The following PAK5 variants were observed in gnomAD, a reference collection of about 807,000 sequenced individuals.
PAK5 encodes p21 (RAC1) activated kinase 5.
In PAK5, 16 loss-of-function variants were observed where a neutral mutation model predicts 65.9. That is an observed-to-expected ratio of 0.24 (90% confidence interval 0.16 to 0.37). The LOEUF is 0.37. Among genes scored for constraint, PAK5 ranks in the 10% least tolerant of loss-of-function variants. The probability of loss-of-function intolerance (pLI) is 1.00; values close to 1 mark genes in which losing one functional copy is unlikely to be tolerated. For missense variants in PAK5, 785 were observed against 903.9 expected (o/e 0.87, Z 1.69); for synonymous variants, 371 against 354.9 (o/e 1.05, Z -0.51).
chr20:9,606,298 G>T (rs1249730846), intron 3 of PAK5, among the ~76,000 whole-genome samples: 1 of 152,158 alleles, frequency 6.6e-6, no homozygotes, highest in African/African-American at 2.4e-5. Flanking sequence ...CCCGATGATT[G>T]TAAGTTTTCT....
Position 9,591,613 on chromosome 20 carries a change from T to C in PAK5, c.205-10683A>G, listed in dbSNP as rs151221061. 1.5e-3 allele frequency among the ~76,000 whole-genome samples: 192 copies of C among 127,068 alleles called. 4 individuals carry two copies. In the East Asian group the frequency reaches 0.055, roughly 36 times the overall value. 83.4% of individuals were successfully genotyped at this position (127,068 alleles called of 152,430 possible). On this transcript the variant is annotated intron_variant, in intron 3 of 9. Transcript: ENST00000353224. ...GTTACATTGCATTTACTCAAGATTC[T>C]GACATTTAAAAATGTAATAACTAAT...
In PAK5 at chr20:9,775,342, G is replaced by T. The variant is rs574962597; in HGVS notation, c.-162+63420C>A. Among the ~76,000 whole-genome samples the T allele has an allele frequency of 8.7e-4, 132 of 152,122 alleles. 2 individuals are homozygous for T. In the South Asian group the frequency reaches 0.02, roughly 23 times the overall value. On this transcript the variant is annotated intron_variant, in intron 1 of 9. Transcript: ENST00000353224. ...TTCAGGGCAGCTTGGTAAATTCTTC[G>T]CTCAGTTTCTGATTCAACAAAAGCT...
At position 9,838,315 on chromosome 20, in the gene PAK5, G is replaced by T. The variant is rs1484804600; in HGVS notation, c.-162+447C>A. 3.3e-5 allele frequency among the ~76,000 whole-genome samples: 5 copies of T among 152,138 alleles called. No homozygotes were observed. The highest frequency in any genetic ancestry group is 7.2e-5 in the African/African-American group (3 of 41,436). ...AAGACAAAAACCATGCGGGAATCCTGCTCTGGCAATATGTCCAACACTTCT... is the reference window on the plus strand; with the variant it reads ...AAGACAAAAACCATGCGGGAATCCTTCTCTGGCAATATGTCCAACACTTCT... On this transcript the variant is annotated intron_variant, in intron 1 of 9. Coordinates refer to ENST00000353224, the MANE Select transcript of PAK5 (RefSeq NM_177990.4). The surrounding 1 kb of genome is among the most constrained non-coding windows in gnomAD (Gnocchi z 4.5).
intron 1 of PAK5, among the ~76,000 whole-genome samples, chr20:9,724,614 G>C (rs2048254904): frequency 6.6e-6 from 1 of 152,152 alleles, no homozygotes; most frequent in Non-Finnish European, 1.5e-5. Flanking sequence ...TTATTTGGGG[G>C]CTCCAGCTAA....
chr20:9,755,561 C>T (rs953854684), intron 1 of PAK5, among the ~76,000 whole-genome samples: 2 of 152,164 alleles, frequency 1.3e-5, no homozygotes, highest in African/African-American at 2.4e-5. Context: ...TTCAGCCATG[C>T]ATCTGACAGC....
At chr20:9,765,446 T>G (rs931707643) in intron 1 of PAK5, among the ~76,000 whole-genome samples, 1 of 152,178 alleles carries the variant, frequency 6.6e-6, no homozygotes, top group Non-Finnish European at 1.5e-5. Context: ...AGCCTCCATT[T>G]TTTTTTTCTG....
chr20:9,779,529 T>C (rs1174937996), intron 1 of PAK5, among the ~76,000 whole-genome samples: 3 of 151,722 alleles, frequency 2.0e-5, no homozygotes, highest in African/African-American at 4.8e-5. Context: ...TGATGCTTCA[T>C]AAAATTATAT....
At chr20:9,712,122 T>C (rs6039557) in intron 1 of PAK5, among the ~76,000 whole-genome samples, 2,346 of 152,250 alleles carry the variant, frequency 0.015, 23 homozygotes, top group Middle Eastern at 0.041. Flanking sequence ...TGAGACAGCA[T>C]GTCAGCCCTA....
At chr20:9,567,547 T>C (rs2045703270) in intron 4 of PAK5, among the ~76,000 whole-genome samples, 1 of 152,226 alleles carries the variant, frequency 6.6e-6, no homozygotes, top group Admixed American at 6.5e-5. Context: ...TAAAACATTT[T>C]CCTCATTGCA....
intron 2 of PAK5, among the ~76,000 whole-genome samples, chr20:9,677,612 G>A (rs530448277): frequency 1.3e-5 from 2 of 152,292 alleles, no homozygotes; most frequent in African/African-American, 4.8e-5. Flanking sequence ...TCTCACCTGT[G>A]TGTTCTTAAC....
chr20:9,758,071 G>C (rs184493912), intron 1 of PAK5, among the ~76,000 whole-genome samples: 33 of 152,278 alleles, frequency 2.2e-4, no homozygotes, highest in African/African-American at 7.5e-4. Flanking sequence ...CTACTTCATA[G>C]CCTTATTTGG....
chr20:9,660,247 T>C (rs2123329152), intron 2 of PAK5, among the ~76,000 whole-genome samples: 1 of 151,804 alleles, frequency 6.6e-6, no homozygotes, highest in African/African-American at 2.4e-5. Flanking sequence ...GCACTGCACG[T>C]GGATTACGCA....
In PAK5 at chr20:9,816,654, C is replaced by T. The variant is rs577566492; in HGVS notation, c.-162+22108G>A. Among the ~76,000 whole-genome samples the T allele has an allele frequency of 3.3e-5, 5 of 152,280 alleles. No individual in the cohort carries two copies. In the East Asian group the frequency reaches 7.7e-4, roughly 24 times the overall value. On this transcript the variant is annotated intron_variant, in intron 1 of 9. Transcript: ENST00000353224. ...ATTCTGACTCAGATTGGAATCCATA[C>T]TTTCTCTCTGGTTCTCAGGCTTTTG...
chr20:9,544,824 A>C (rs2045319572), intron 7 of PAK5, among the ~76,000 whole-genome samples: 1 of 152,350 alleles, frequency 6.6e-6, no homozygotes, highest in East Asian at 1.9e-4. Context: ...CAAGCCTACA[A>C]GTTTAATATA....
chr20:9,593,971 G>A (rs773295990), intron 3 of PAK5, among the ~76,000 whole-genome samples: 4 of 152,226 alleles, frequency 2.6e-5, no homozygotes, highest in Non-Finnish European at 4.4e-5. Context: ...GGCTAAGGCA[G>A]TGAGAGATTC....
intron 1 of PAK5, among the ~76,000 whole-genome samples, chr20:9,792,310 T>C (rs1393560709): frequency 1.3e-5 from 2 of 152,074 alleles, no homozygotes; most frequent in African/African-American, 2.4e-5. Flanking sequence ...AGATACCATG[T>C]CTAAGGGTTG....
rs141674064 is a variant in PAK5, at chr20:9,796,252, G to A, written c.-162+42510C>T. ...TTTCAATAATAATTTGCAATATGAG[G>A]GAGAAGAACAGAGGGAACAACAGAA... is the stretch of plus-strand genomic sequence containing the variant. On this transcript the variant is annotated intron_variant, in intron 1 of 9. Transcript: ENST00000353224. Among the ~76,000 whole-genome samples, 330 of 152,156 alleles carry A rather than the reference G, an allele frequency of 2.2e-3. 1 individual carries two copies. Among genetic ancestry groups the A allele is most frequent in the African/African-American group, 7.6e-3 (316 of 41,522 alleles).
At position 9,539,416 on chromosome 20, in the gene PAK5, A is replaced by T; in HGVS notation, c.*46T>A. 1 of 1,582,240 alleles carries T rather than the reference A, an allele frequency of 6.3e-7. No homozygotes were observed. Among genetic ancestry groups the T allele is most frequent in the South Asian group, 1.1e-5 (1 of 90,086 alleles). ...GTGTTTCCTTTTGTTCTCCTGAATT[A>T]TTCTCATGTCCTCATCTAGCTTTGC... is the stretch of plus-strand genomic sequence containing the variant. On this transcript the variant is annotated 3_prime_UTR_variant, in exon 10 of 10. Coordinates refer to ENST00000353224, the MANE Select transcript of PAK5 (RefSeq NM_177990.4).
chr20:9,792,071 A>G (rs1813772465), intron 1 of PAK5, among the ~76,000 whole-genome samples: 1 of 152,152 alleles, frequency 6.6e-6, no homozygotes, highest in South Asian at 2.1e-4. Context: ...GACTGTAAGC[A>G]CCTTGAGGGG....
Sources: gnomAD v4.1 joint callset for allele counts (sites outside exome capture counted in the v4.1 genomes callset) on GRCh38, gnomAD v4.1.1 for gene constraint, Gnocchi (gnomAD v3.1) non-coding constraint, MANE v1.5 for transcripts, NCBI Gene and HGNC (gene_info 2026-07-23, HGNC 2026-07-21) for gene names.